Variants in GLRX3 observed in about 807,000 individuals in gnomAD.
GLRX3 encodes the protein glutaredoxin 3.
Under a neutral mutation model 49.5 loss-of-function variants are expected in GLRX3, and 22 were observed. That is an observed-to-expected ratio of 0.44 (90% CI 0.32 to 0.63). The LOEUF (loss-of-function observed/expected upper bound fraction) is 0.63, where lower values mean the gene tolerates loss of function less well. Among genes scored for constraint, GLRX3 ranks in the 30% least tolerant of loss-of-function variants. The pLI is 0.05. For synonymous variants in GLRX3, 133 were observed against 140.0 expected (o/e 0.95, Z 0.35); for missense variants, 385 against 396.3 (o/e 0.97, Z 0.24).
chr10:130,145,181 T>C, intron 1 of GLRX3, 30 bp from the exon 2 acceptor site: 1 of 863,110 alleles, frequency 1.2e-6, no homozygotes, highest in South Asian at 1.6e-5. Context: ...TTGGTATAAT[T>C]TTAAATAAAT....
intron 4 of GLRX3, among the ~76,000 whole-genome samples, chr10:130,163,246 G>A (rs113773648): frequency 0.087 from 13,145 of 151,776 alleles, 920 homozygotes; most frequent in African/African-American, 0.19. Flanking sequence ...CCAACATGGC[G>A]AAACCCCGTC....
At position 130,179,590 on chromosome 10, in the gene GLRX3, A is replaced by G. The variant is rs997886206; in HGVS notation, c.*198A>G. The G allele has an allele frequency of 1.9e-6, 1 of 530,074 alleles. No homozygotes were observed. Among genetic ancestry groups the G allele is most frequent in the African/African-American group, 2.0e-5 (1 of 49,586 alleles). The allele number at this position is 530,074 out of a possible 1,614,324, so 32.8% of individuals were successfully genotyped here. ...CCACCAAAAATAGAATGCAATAAAC[A>G]TCTTCAAATTATTAACAATAATTGT... On this transcript the variant is annotated 3_prime_UTR_variant, in exon 11 of 11. Coordinates refer to ENST00000331244, the MANE Select transcript of GLRX3 (RefSeq NM_006541.5).
In GLRX3 at chr10:130,136,410, G is replaced by C; in HGVS notation, c.-11G>C. The C allele has an allele frequency of 8.0e-7, 1 of 1,252,258 alleles. No individual in the cohort carries two copies. Among genetic ancestry groups the C allele is most frequent in the Middle Eastern group, 3.1e-4 (1 of 3,238 alleles). The allele number at this position is 1,252,258 out of a possible 1,614,324, so 77.6% of individuals were successfully genotyped here. On this transcript the variant is annotated 5_prime_UTR_variant, in exon 1 of 11. Coordinates refer to ENST00000331244, the MANE Select transcript of GLRX3 (RefSeq NM_006541.5). ...GCCGGCACTGGATTGCTTCTGTCTG[G>C]CGGCGGCAGCATGGCGGCGGGGGCG...
intron 7 of GLRX3, 145 bp downstream of exon 7, chr10:130,169,635 G>A: frequency 2.1e-5 from 13 of 621,402 alleles, no homozygotes; most frequent in Middle Eastern, 7.4e-4. Flanking sequence ...TGGTGCTTAC[G>A]GAGATCAAAC....
chr10:130,160,998 G>GT lies in GLRX3; in HGVS notation c.478+2dup. ...GGAACTCCTCAAGAACCACGCTGTG[G>GT]TAAGAAGCTGCCTTTAACATAATAT... On this transcript the variant is annotated splice_donor_variant, in intron 4 of 10. Coordinates refer to ENST00000331244, the MANE Select transcript of GLRX3 (RefSeq NM_006541.5). LOFTEE classifies it high-confidence loss of function. 1 of 1,607,402 alleles carries GT rather than the reference G, an allele frequency of 6.2e-7. No individual in the cohort carries two copies. Among genetic ancestry groups the GT allele is most frequent in the Non-Finnish European group, 8.5e-7 (1 of 1,175,166 alleles).
At chr10:130,145,122 CT>C (rs1345655231) in intron 1 of GLRX3, 88 bp from the exon 2 acceptor site, 9 of 547,378 alleles carry the variant, frequency 1.6e-5, no homozygotes, top group Non-Finnish European at 2.9e-5. Flanking sequence ...TTAAAGCTTT[CT>C]TTTTTTTCTT....
At chr10:130,139,934 A>T (rs769313825) in intron 1 of GLRX3, among the ~76,000 whole-genome samples, 3 of 152,202 alleles carry the variant, frequency 2.0e-5, no homozygotes, top group Non-Finnish European at 4.4e-5. Context: ...GTCTCAAAAA[A>T]CAAAAAGTGC....
At chr10:130,178,207 A>G (rs1182583137) in intron 10 of GLRX3, among the ~76,000 whole-genome samples, 1 of 152,128 alleles carries the variant, frequency 6.6e-6, no homozygotes, top group African/African-American at 2.4e-5. Context: ...GAGGGGAACA[A>G]GCATCATATT....
chr10:130,142,621 T>C (rs1441212481), intron 1 of GLRX3, among the ~76,000 whole-genome samples: 1 of 152,220 alleles, frequency 6.6e-6, no homozygotes, highest in East Asian at 1.9e-4. Flanking sequence ...TTAGAGTACA[T>C]CTCTGCTTCC....
At chr10:130,167,034 T>A in intron 6 of GLRX3, 54 bp downstream of exon 6, 1 of 923,688 alleles carries the variant, frequency 1.1e-6, no homozygotes, top group Non-Finnish European at 1.6e-6. Context: ...TTAAAAATAT[T>A]TTAAAGTCCT....
intron 2 of GLRX3, among the ~76,000 whole-genome samples, chr10:130,158,789 G>C (rs1862524186): frequency 6.6e-6 from 1 of 151,986 alleles, no homozygotes; most frequent in Non-Finnish European, 1.5e-5. Flanking sequence ...TCTTTTTTCA[G>C]ATTATTAGAC....
In GLRX3 at chr10:130,175,097, C is replaced by G. The variant is rs1862889855; in HGVS notation, c.957+8C>G. 1 of 1,403,508 alleles carries G rather than the reference C, an allele frequency of 7.1e-7. No individual in the cohort carries two copies. Among genetic ancestry groups the G allele is most frequent in the Non-Finnish European group, 1.0e-6 (1 of 988,626 alleles). The allele number at this position is 1,403,508 out of a possible 1,614,324, so 86.9% of individuals were successfully genotyped here. A position where few individuals can be genotyped will look rare whatever the true frequency, so the allele number is the denominator to read the frequency against. On this transcript the variant is annotated splice_region_variant and intron_variant, in intron 10 of 10. Coordinates refer to ENST00000331244, the MANE Select transcript of GLRX3 (RefSeq NM_006541.5). ...GGATTGGATATTGTGAAGGTAAGGC[C>G]AGTTCTTCTGCTGTTCTAAAGAACG...
In GLRX3 at chr10:130,179,546, T is replaced by A; in HGVS notation, c.*154T>A. On this transcript the variant is annotated 3_prime_UTR_variant, in exon 11 of 11. Coordinates refer to ENST00000331244, the MANE Select transcript of GLRX3 (RefSeq NM_006541.5). ...ATTTCACAATGTCGTGCTAAATAAA[T>A]GTATGTTACATTTTTTTCCCACCAA... The A allele has an allele frequency of 1.7e-6, 1 of 602,602 alleles. No individual in the cohort carries two copies. The highest frequency in any genetic ancestry group is 3.0e-6 in the Non-Finnish European group (1 of 336,058). 37.3% of individuals were successfully genotyped at this position (602,602 alleles called of 1,614,324 possible).
In GLRX3 at chr10:130,166,825, A is replaced by G. The variant is rs1162459695; in HGVS notation, c.652-94A>G. 4.2e-6 allele frequency: 4 copies of G among 947,160 alleles called. No homozygotes were observed. In the African/African-American group the frequency reaches 6.7e-5, roughly 16 times the overall value. The allele number at this position is 947,160 out of a possible 1,614,324, so 58.7% of individuals were successfully genotyped here. A position where few individuals can be genotyped will look rare whatever the true frequency, so the allele number is the denominator to read the frequency against. On this transcript the variant is annotated intron_variant, in intron 5 of 10. Transcript: ENST00000331244. ...CAATGAATACACAGTATTTCTGATT[A>G]GTTGATTGATCAATAATCTGTGTTA... is the stretch of plus-strand genomic sequence containing the variant.
chr10:130,152,948 T>C (rs1328679824), intron 2 of GLRX3, among the ~76,000 whole-genome samples: 1 of 152,186 alleles, frequency 6.6e-6, no homozygotes, highest in Non-Finnish European at 1.5e-5. Flanking sequence ...CAATCAAACG[T>C]AGATTTGGTC....
chr10:130,166,574 C>A lies in GLRX3; in HGVS notation c.546C>A (p.Phe182Leu). ...HNIQFSSFDIFSDEEVRQGLK... is the reference protein window; with the variant it reads ...HNIQFSSFDILSDEEVRQGLK... ...TTCAGTTTAGCAGTTTTGATATCTTCTCAGATGAAGAGGTTCGACAGGGAC... is the reference window on the plus strand; with the variant it reads ...TTCAGTTTAGCAGTTTTGATATCTTATCAGATGAAGAGGTTCGACAGGGAC... The change falls in exon 5 of 11, where the codon TTC becomes TTA. Residue 182 changes from phenylalanine (F) to leucine (L), a missense_variant. Physicochemically the swap from Phe to Leu is conservative, Grantham distance 22 (BLOSUM62 0). Coordinates refer to ENST00000331244, the MANE Select transcript of GLRX3 (RefSeq NM_006541.5). The A allele has an allele frequency of 6.2e-7, 1 of 1,610,848 alleles. No individual in the cohort carries two copies. The highest frequency in any genetic ancestry group is 8.5e-7 in the Non-Finnish European group (1 of 1,177,072).
At chr10:130,138,324 A>G (rs987518758) in intron 1 of GLRX3, among the ~76,000 whole-genome samples, 2 of 152,086 alleles carry the variant, frequency 1.3e-5, no homozygotes, top group African/African-American at 4.8e-5. Context: ...CTTGTAAAGT[A>G]TCGGGATTAC....
intron 2 of GLRX3, among the ~76,000 whole-genome samples, chr10:130,159,422 G>A (rs1862534522): frequency 6.6e-6 from 1 of 152,172 alleles, no homozygotes; most frequent in African/African-American, 2.4e-5. Context: ...TAAATAGACC[G>A]GAAGCAAGTA....
intron 1 of GLRX3, among the ~76,000 whole-genome samples, chr10:130,139,120 G>T (rs1862124656): frequency 1.3e-5 from 2 of 151,046 alleles, no homozygotes; most frequent in African/African-American, 2.4e-5. Flanking sequence ...TTCCCAGCGT[G>T]CTGGGATTAC....
Sources: allele counts gnomAD v4.1 joint callset (sites outside exome capture counted in the v4.1 genomes callset), GRCh38; gene constraint gnomAD v4.1.1; transcripts MANE v1.5; gene names NCBI Gene and HGNC (gene_info 2026-07-23, HGNC 2026-07-21).